ANKRD11: variants seen among roughly 807,000 people sequenced by gnomAD.
ANKRD11 encodes the protein ankyrin repeat domain-containing protein 11.
A neutral mutation model predicts 195.7 loss-of-function variants in ANKRD11; 17 were observed. That is an observed-to-expected ratio of 0.09 (90% CI 0.06 to 0.13). The LOEUF (loss-of-function observed/expected upper bound fraction) is 0.13, where lower values mean the gene tolerates loss of function less well. Among genes scored for constraint, ANKRD11 ranks in the 10% least tolerant of loss-of-function variants. The probability of loss-of-function intolerance (pLI) is 1.00; values close to 1 mark genes in which losing one functional copy is unlikely to be tolerated. For missense variants in ANKRD11, 3,735 were observed against 3,566.1 expected (o/e 1.05, Z -1.21); for synonymous variants, 1,953 against 1,528.1 (o/e 1.28, Z -6.49).
chr16:89,361,481 T>G (rs1310154852), intron 2 of ANKRD11: 2 of 152,278 alleles, frequency 1.3e-5, no homozygotes, highest in Non-Finnish European at 2.9e-5. Context: ...CACCTGTTTA[T>G]GTTCCATACT....
At chr16:89,289,093 T>G (rs1242032965) in intron 6 of ANKRD11, 2 of 275,744 alleles carry the variant, frequency 7.3e-6, no homozygotes, top group African/African-American at 4.4e-5. Flanking sequence ...GCTGAAGAGC[T>G]GCTACAGCAG....
chr16:89,450,249 T>C (rs924087388), intron 1 of ANKRD11, among the ~76,000 whole-genome samples: 2 of 152,088 alleles, frequency 1.3e-5, no homozygotes, highest in African/African-American at 2.4e-5. Flanking sequence ...TGTCTGAAAA[T>C]ATGCCATCAA....
chr16:89,415,799 G>A (rs1029387237), intron 2 of ANKRD11, among the ~76,000 whole-genome samples: 1 of 117,102 alleles, frequency 8.5e-6, no homozygotes, highest in Non-Finnish European at 1.8e-5. Flanking sequence ...CTACACTCCA[G>A]GCCCTGCACA....
intron 12 of ANKRD11, chr16:89,270,279 G>A (rs113194190): frequency 0.017 from 3,575 of 206,530 alleles, 49 homozygotes; most frequent in Middle Eastern, 0.042. Flanking sequence ...AGCCGGGGCC[G>A]CCTGCTCCCA....
intron 2 of ANKRD11, chr16:89,396,151 G>C (rs2041417299): frequency 6.6e-6 from 1 of 152,208 alleles, no homozygotes; most frequent in African/African-American, 2.4e-5. Flanking sequence ...TCAAAGATAA[G>C]AATTTTGGAA....
intron 1 of ANKRD11, among the ~76,000 whole-genome samples, chr16:89,458,178 A>G (rs954697059): frequency 1.3e-5 from 2 of 151,890 alleles, no homozygotes; most frequent in Non-Finnish European, 2.9e-5. Flanking sequence ...TCTTCAAAAC[A>G]TAAACTCCTG....
intron 9 of ANKRD11, chr16:89,278,290 G>C (rs1012037172): frequency 2.9e-6 from 1 of 350,824 alleles, no homozygotes; most frequent in Non-Finnish European, 5.6e-6. Context: ...CCCTGTGCCT[G>C]CTGGGAAAGA....
chr16:89,319,226 G>A (rs926699246), intron 2 of ANKRD11, among the ~76,000 whole-genome samples: 2 of 152,310 alleles, frequency 1.3e-5, no homozygotes, highest in African/African-American at 4.8e-5. Flanking sequence ...CAGACCCCAC[G>A]GCCTCCGGAC....
intron 1 of ANKRD11, among the ~76,000 whole-genome samples, chr16:89,447,430 C>T (rs1461606132): frequency 6.6e-6 from 1 of 152,168 alleles, no homozygotes; most frequent in African/African-American, 2.4e-5. Context: ...GTAGCAACCA[C>T]ACAGCTAACA....
At chr16:89,383,084 A>C (rs1004328282) in intron 2 of ANKRD11, among the ~76,000 whole-genome samples, 10 of 152,198 alleles carry the variant, frequency 6.6e-5, no homozygotes, top group Admixed American at 6.5e-4. Context: ...TTCAACTTTC[A>C]CACCACTGTA....
chr16:89,369,015 G>A (rs770085222), intron 2 of ANKRD11, among the ~76,000 whole-genome samples: 1 of 152,170 alleles, frequency 6.6e-6, no homozygotes, highest in Non-Finnish European at 1.5e-5. Flanking sequence ...CAACCAAGAT[G>A]TAAGCAGCAG....
At chr16:89,375,414 T>A (rs1666612364) in intron 2 of ANKRD11, among the ~76,000 whole-genome samples, 2 of 151,834 alleles carry the variant, frequency 1.3e-5, no homozygotes, top group Non-Finnish European at 2.9e-5. Flanking sequence ...TGGTCATGCC[T>A]GTGACAAGCC....
chr16:89,393,607 G>C (rs2041298238), intron 2 of ANKRD11, among the ~76,000 whole-genome samples: 1 of 151,610 alleles, frequency 6.6e-6, no homozygotes, highest in African/African-American at 2.4e-5. Context: ...CTCCCAAAGT[G>C]GTGGGATTAC....
At chr16:89,428,834 C>T (rs990027931) in intron 1 of ANKRD11, among the ~76,000 whole-genome samples, 2 of 152,144 alleles carry the variant, frequency 1.3e-5, no homozygotes, top group African/African-American at 2.4e-5. Context: ...GCGGAGCTTG[C>T]AGTAAGCCAA....
At chr16:89,466,332 G>A (rs1182563555) in intron 1 of ANKRD11, among the ~76,000 whole-genome samples, 1 of 152,194 alleles carries the variant, frequency 6.6e-6, no homozygotes, top group Non-Finnish European at 1.5e-5. Flanking sequence ...AGTACCAGTT[G>A]TCAGGGAAAG....
chr16:89,462,260 G>A (rs992412305), intron 1 of ANKRD11, among the ~76,000 whole-genome samples: 2 of 152,202 alleles, frequency 1.3e-5, no homozygotes, highest in East Asian at 1.9e-4. Context: ...TGGTGGAGAC[G>A]GGGTTTCGCT....
chr16:89,461,377 A>C (rs755055098), intron 1 of ANKRD11, among the ~76,000 whole-genome samples: 17 of 152,030 alleles, frequency 1.1e-4, no homozygotes, highest in South Asian at 6.2e-4. Flanking sequence ...CACCGTGTGA[A>C]TCTAATACCA....
chr16:89,290,542 TG>T (rs2034992441), intron 6 of ANKRD11, 82 bp downstream of exon 6: 1 of 1,300,948 alleles, frequency 7.7e-7, no homozygotes, highest in Non-Finnish European at 1.0e-6. Context: ...AGGGCTCCAA[TG>T]GGGGGAGGCT....
chr16:89,279,303 C>G lies in ANKRD11; in HGVS notation c.7239G>C (p.Gln2413His). Residue 2413 changes from glutamine (Q) to histidine (H), a missense_variant, in exon 9 of 13, where the codon CAG (glutamine) becomes CAC (histidine). Coordinates refer to ENST00000301030, the MANE Select transcript of ANKRD11 (RefSeq NM_013275.6). The surrounding 1 kb of genome is among the most constrained non-coding windows in gnomAD (Gnocchi z 5.6). The stretch of plus-strand genomic sequence containing the variant: ...TGGCGTCCACGATGGCGGCCAGCGT[C>G]TGCTGGATCACCTCCCGCGTCTGCT... The part of the protein sequence containing the change: ...STQQTREVIQ[Q>H]TLAAIVDAIK... 6.2e-7 allele frequency: 1 copy of G among 1,611,824 alleles called. No homozygotes were observed. Among genetic ancestry groups the G allele is most frequent in the South Asian group, 1.1e-5 (1 of 90,956 alleles).
Sources: allele counts gnomAD v4.1 joint callset (sites outside exome capture counted in the v4.1 genomes callset), GRCh38; gene constraint gnomAD v4.1.1; non-coding constraint Gnocchi (gnomAD v3.1); transcripts MANE v1.5; gene names NCBI Gene and HGNC (gene_info 2026-07-23, HGNC 2026-07-21).